TAMALIN: variants seen among roughly 807,000 people sequenced by gnomAD.
TAMALIN encodes protein TAMALIN.
TAMALIN carries 9 observed loss-of-function variants against 38.5 expected under a neutral mutation model. That is an observed-to-expected ratio of 0.23 (90% CI 0.14 to 0.41). The LOEUF (loss-of-function observed/expected upper bound fraction) is 0.41, where lower values mean the gene tolerates loss of function less well. Ranked by LOEUF, TAMALIN falls within the 10% of genes least tolerant of loss-of-function variation. TAMALIN has a pLI of 1.00. For missense variants in TAMALIN, 548 were observed against 554.1 expected (o/e 0.99, Z 0.11); for synonymous variants, 306 against 256.5 (o/e 1.19, Z -1.85).
rs1197071152 is a variant in TAMALIN at position 52,007,072 on chromosome 12, C to A, written c.53C>A (p.Thr18Asn). 2.0e-6 allele frequency: 3 copies of A among 1,468,588 alleles called. No individual in the cohort carries two copies. The highest frequency in any genetic ancestry group is 1.3e-5 in the South Asian group (1 of 75,812). 91.0% of individuals were successfully genotyped at this position (1,468,588 alleles called of 1,614,324 possible). Reference sequence around the variant, plus strand: ...CAGCAGAAGGAGGAGGCGGCGGCCACCCCGGACCCCGCCGCCCGGACTCCC... The same window carrying A: ...CAGCAGAAGGAGGAGGCGGCGGCCAACCCGGACCCCGCCGCCCGGACTCCC... Reference protein sequence around the residue: ...KLQQKEEAAATPDPAARTPDS... With the variant: ...KLQQKEEAAANPDPAARTPDS... Residue 18 changes from threonine (T) to asparagine (N), a missense_variant, in exon 1 of 8, where the codon ACC (threonine) becomes AAC (asparagine). By Grantham distance (65) the Thr-to-Asn change is moderately conservative (BLOSUM62 0). Around this residue, in one of 3 missense-constraint regions of TAMALIN, gnomAD observed 128 missense variants for 117.9 expected, o/e 1.09. Coordinates refer to ENST00000293662, the MANE Select transcript of TAMALIN (RefSeq NM_181711.4). This position sits in a 1 kb window ranked among gnomAD's most constrained non-coding sequence, Gnocchi z 6.7.
intron 4 of TAMALIN, among the ~76,000 whole-genome samples, chr12:52,012,596 C>T (rs933287944): frequency 2.0e-5 from 3 of 152,190 alleles, no homozygotes; most frequent in East Asian, 1.9e-4. Context: ...AGCACTGTTA[C>T]GTTGGGGATG....
At chr12:52,009,039 G>A in intron 1 of TAMALIN, 151 bp from the exon 2 acceptor site, 1 of 788,788 alleles carries the variant, frequency 1.3e-6, no homozygotes, top group Admixed American at 2.1e-5. Context: ...GTGGCACTTG[G>A]CAAATAGTTC....
At chr12:52,013,382 G>A in intron 4 of TAMALIN, 1 of 334,964 alleles carries the variant, frequency 3.0e-6, no homozygotes, top group Non-Finnish European at 5.7e-6. Context: ...CGGCCGGACA[G>A]AACTTCTTGA....
intron 5 of TAMALIN, 28 bp from the exon 6 acceptor site, chr12:52,013,849 C>T: frequency 6.2e-7 from 1 of 1,611,034 alleles, no homozygotes; most frequent in Non-Finnish European, 8.5e-7. Flanking sequence ...GCCTGTGGCT[C>T]ACTCAGGCTT....
chr12:52,009,259 C>T lies in TAMALIN; in HGVS notation c.296+20C>T. The T allele has an allele frequency of 6.2e-7, 1 of 1,612,980 alleles. No individual in the cohort carries two copies. On this transcript the variant is annotated intron_variant, in intron 2 of 7. Transcript: ENST00000293662. ...GCAGCGGTGAGTCACCAACACCCAG[C>T]CCCTGCCATGGTCCAAAGGGGTGAG...
chr12:52,010,513 G>A (rs949906943), intron 2 of TAMALIN: 3 of 1,118,364 alleles, frequency 2.7e-6, no homozygotes, highest in Non-Finnish European at 3.3e-6. Context: ...CAAAGCTGTG[G>A]AACAGAGGAG....
rs1306657316 is a variant in TAMALIN at position 52,007,536 on chromosome 12, C to T, written c.246+271C>T. 1.0e-6 allele frequency: 1 copy of T among 984,340 alleles called. No homozygotes were observed. Among genetic ancestry groups the T allele is most frequent in the Non-Finnish European group, 1.2e-6 (1 of 829,060 alleles). 61.0% of individuals were successfully genotyped at this position (984,340 alleles called of 1,614,324 possible). ...GACTCCTCCCAGCACCCCCCTTCTC[C>T]TACCCGCTCCATCTGGCTTTCTGCC... On this transcript the variant is annotated intron_variant, in intron 1 of 7. Coordinates refer to ENST00000293662, the MANE Select transcript of TAMALIN (RefSeq NM_181711.4). This position sits in a 1 kb window ranked among gnomAD's most constrained non-coding sequence, Gnocchi z 6.7.
intron 2 of TAMALIN, 138 bp from the exon 3 acceptor site, chr12:52,010,743 G>A: frequency 9.6e-7 from 1 of 1,042,176 alleles, no homozygotes. Context: ...CCAATAATCT[G>A]TGATGAGACT....
rs1445422281 is a variant in TAMALIN at position 52,015,135 on chromosome 12, G to C, written c.1124G>C (p.Arg375Pro). Residue 375 changes from arginine to proline, a missense_variant, in exon 8 of 8, where the codon CGG (arginine) becomes CCG (proline). Physicochemically the swap from Arg to Pro is moderately radical, Grantham distance 103. This residue lies in a region of TAMALIN where 415 missense variants were observed against 417.0 expected (regional missense o/e 1.00). Coordinates refer to ENST00000293662, the MANE Select transcript of TAMALIN (RefSeq NM_181711.4). ...AAAACCAAGTACCGCAGCTTCCGCC[G>C]GCGGCTGCTCAAGTTCATCCCCGGA... ...LRKTKYRSFR[R>P]RLLKFIPGLN... The C allele has an allele frequency of 1.9e-6, 3 of 1,592,062 alleles. No homozygotes were observed. In the Admixed American group the frequency reaches 5.1e-5, roughly 27 times the overall value.
rs1384350675 is a variant in TAMALIN, at chr12:52,011,350, G to A, written c.454+209G>A. 2 of 766,156 alleles carry A rather than the reference G, an allele frequency of 2.6e-6. No homozygotes were observed. The highest frequency in any genetic ancestry group is 4.3e-6 in the Non-Finnish European group (2 of 470,108). 47.5% of individuals were successfully genotyped at this position (766,156 alleles called of 1,614,324 possible). A position where few individuals can be genotyped will look rare whatever the true frequency, so the allele number is the denominator to read the frequency against. On this transcript the variant is annotated intron_variant, in intron 4 of 7. Coordinates refer to ENST00000293662, the MANE Select transcript of TAMALIN (RefSeq NM_181711.4). The surrounding 1 kb of genome is among the most constrained non-coding windows in gnomAD (Gnocchi z 5.3). ...TCTTGCACAGCCCCATCTACAAAAT[G>A]AGGGTAATAATGCATCCAAACATCA...
At position 52,015,155 on chromosome 12, in the gene TAMALIN, C is replaced by T. The variant is rs1383764302; in HGVS notation, c.1144C>T (p.Pro382Ser). Residue 382 changes from proline (P) to serine (S), a missense_variant, in exon 8 of 8, where the codon CCC becomes TCC. Physicochemically the swap from Pro to Ser is moderately conservative, Grantham distance 74. Transcript: ENST00000293662. ...CCGCCGGCGGCTGCTCAAGTTCATC[C>T]CCGGACTCAACCGCTCCCTGGAGGA... ...SFRRRLLKFI[P>S]GLNRSLEEEE... The T allele has an allele frequency of 6.3e-7, 1 of 1,594,842 alleles. No homozygotes were observed. Among genetic ancestry groups the T allele is most frequent in the Non-Finnish European group, 8.5e-7 (1 of 1,178,472 alleles).
intron 1 of TAMALIN, chr12:52,008,909 T>A: frequency 3.1e-6 from 1 of 324,544 alleles, no homozygotes; most frequent in Non-Finnish European, 4.4e-6. Context: ...CTGCTGCCAG[T>A]GTGGAAACCA....
chr12:52,013,574 A>G (rs927851139), intron 4 of TAMALIN, 113 bp from the exon 5 acceptor site: 1 of 789,504 alleles, frequency 1.3e-6, no homozygotes, highest in Non-Finnish European at 2.2e-6. Context: ...GAGGGAGTTC[A>G]GGAGTATTCC....
chr12:52,009,198 A>G lies in TAMALIN; in HGVS notation c.255A>G (p.Gly85=), dbSNP rs201057313. 1.2e-5 allele frequency: 20 copies of G among 1,614,078 alleles called. No individual in the cohort carries two copies. In the East Asian group the frequency reaches 3.8e-4, roughly 31 times the overall value. ...GGTLPRRKGS[G]FRWKNLSQSP... ...ACCATCTTACTGCCCAGGGCTCAGG[A>G]TTCCGCTGGAAGAATCTCAGCCAGA... is the stretch of plus-strand genomic sequence containing the variant. The change falls in exon 2 of 8, where the codon GGA becomes GGG. Residue 85 remains glycine (G), a synonymous_variant. Coordinates refer to ENST00000293662, the MANE Select transcript of TAMALIN (RefSeq NM_181711.4).
chr12:52,008,214 G>T, intron 1 of TAMALIN: 3 of 985,396 alleles, frequency 3.0e-6, no homozygotes, highest in Non-Finnish European at 3.6e-6. Flanking sequence ...TCTCTTCCTT[G>T]CCTTGGGCAG....
Position 52,015,370 on chromosome 12 carries a change from G to C in TAMALIN, c.*171G>C. The C allele has an allele frequency of 1.3e-6, 1 of 778,462 alleles. No homozygotes were observed. Among genetic ancestry groups the C allele is most frequent in the Non-Finnish European group, 1.9e-6 (1 of 525,824 alleles). 48.2% of individuals were successfully genotyped at this position (778,462 alleles called of 1,614,324 possible). A position where few individuals can be genotyped will look rare whatever the true frequency, so the allele number is the denominator to read the frequency against. ...GCTGGTGTCTGCTGAGGGAGTGGGGGGCCCAGCCCCTTCTCTTCTCCCCCG... is the reference window on the plus strand; with the variant it reads ...GCTGGTGTCTGCTGAGGGAGTGGGGCGCCCAGCCCCTTCTCTTCTCCCCCG... On this transcript the variant is annotated 3_prime_UTR_variant, in exon 8 of 8. Coordinates refer to ENST00000293662, the MANE Select transcript of TAMALIN (RefSeq NM_181711.4).
intron 2 of TAMALIN, among the ~76,000 whole-genome samples, chr12:52,009,650 G>A (rs976555945): frequency 2.6e-5 from 4 of 152,242 alleles, no homozygotes; most frequent in African/African-American, 4.8e-5. Flanking sequence ...GCTGCTTGGG[G>A]CTGGCTGCCC....
rs932029586 is a variant in TAMALIN, at chr12:52,007,941, C to T, written c.246+676C>T. On this transcript the variant is annotated intron_variant, in intron 1 of 7. Transcript: ENST00000293662. The surrounding 1 kb of genome is among the most constrained non-coding windows in gnomAD (Gnocchi z 6.7). ...ACCTCTGAGTCCCCTCTGCCAGCCT[C>T]TTCCTCTGGCCCCAGGAGACCTGAG... is the stretch of plus-strand genomic sequence containing the variant. 2.6e-5 allele frequency: 26 copies of T among 985,324 alleles called. No individual in the cohort carries two copies. Among genetic ancestry groups the T allele is most frequent in the African/African-American group, 3.5e-5 (2 of 57,244 alleles). 61.0% of individuals were successfully genotyped at this position (985,324 alleles called of 1,614,324 possible).
intron 6 of TAMALIN, 86 bp downstream of exon 6, chr12:52,014,029 T>A: frequency 1.3e-6 from 2 of 1,541,328 alleles, no homozygotes; most frequent in South Asian, 1.1e-5. Context: ...CTGAATCTCC[T>A]GTAACTGAAG....
Sources: allele counts gnomAD v4.1 joint callset (sites outside exome capture counted in the v4.1 genomes callset), GRCh38; gene constraint gnomAD v4.1.1; regional missense constraint gnomAD v4.1.1; non-coding constraint Gnocchi (gnomAD v3.1); transcripts MANE v1.5; gene names NCBI Gene and HGNC (gene_info 2026-07-23, HGNC 2026-07-21).